The following SHTN1 variants were observed in gnomAD, a reference collection of about 807,000 sequenced individuals.
SHTN1 encodes shootin 1.
In SHTN1, 42 loss-of-function variants were observed where a neutral mutation model predicts 83.1. The observed-to-expected ratio is 0.51, with a 90% CI of 0.39 to 0.65. The LOEUF (loss-of-function observed/expected upper bound fraction) is 0.65, where lower values mean the gene tolerates loss of function less well. Among genes scored for constraint, SHTN1 ranks in the 30% least tolerant of loss-of-function variants. The pLI, the probability that SHTN1 is intolerant of heterozygous loss-of-function variation, is 0.00. For synonymous variants in SHTN1, 224 were observed against 247.7 expected (o/e 0.90, Z 0.90); for missense variants, 622 against 737.8 (o/e 0.84, Z 1.82).
intron 13 of SHTN1, 31 bp from the exon 14 acceptor site, chr10:116,911,874 G>C: frequency 6.6e-7 from 1 of 1,525,092 alleles, no homozygotes; most frequent in Non-Finnish European, 9.1e-7. Flanking sequence ...AAAAATCACT[G>C]AGTAATTCAG....
chr10:117,106,886 T>C (rs1338615140), intron 1 of SHTN1, among the ~76,000 whole-genome samples: 2 of 152,182 alleles, frequency 1.3e-5, no homozygotes, highest in African/African-American at 2.4e-5. Context: ...AGTCTCTCTG[T>C]ATCTCATTTT....
intron 1 of SHTN1, among the ~76,000 whole-genome samples, chr10:117,123,895 G>A (rs1853966792): frequency 9.0e-6 from 1 of 110,564 alleles, no homozygotes; most frequent in South Asian, 2.9e-4. Context: ...GACAGAACAA[G>A]ACCCTGTCTC....
chr10:117,085,426 A>G (rs1853335888), intron 1 of SHTN1, among the ~76,000 whole-genome samples: 1 of 152,158 alleles, frequency 6.6e-6, no homozygotes, highest in Non-Finnish European at 1.5e-5. Flanking sequence ...GTGTTGTTTA[A>G]TCTCCAAATA....
chr10:116,910,003 A>C (rs991294292), intron 14 of SHTN1, among the ~76,000 whole-genome samples: 1 of 152,142 alleles, frequency 6.6e-6, no homozygotes, highest in African/African-American at 2.4e-5. Flanking sequence ...TGTGCTTTAC[A>C]GGGTACTAAC....
chr10:116,914,430 C>T (rs1848308969), intron 13 of SHTN1, among the ~76,000 whole-genome samples: 1 of 151,826 alleles, frequency 6.6e-6, no homozygotes, highest in Middle Eastern at 3.4e-3. Flanking sequence ...CGAGATTGCG[C>T]CACTGCACTC....
At chr10:116,911,957 T>C (rs1005622676) in intron 13 of SHTN1, 114 bp from the exon 14 acceptor site, 5 of 739,704 alleles carry the variant, frequency 6.8e-6, no homozygotes, top group Non-Finnish European at 1.2e-5. Context: ...TGTATGACTA[T>C]ATATATTTTT....
upstream of SHTN1, among the ~76,000 whole-genome samples, chr10:117,010,530 A>G (rs1218976947): frequency 6.6e-6 from 1 of 152,198 alleles, no homozygotes; most frequent in Non-Finnish European, 1.5e-5. Context: ...GTCTTTCTCA[A>G]ACTTTTCTAA....
At chr10:117,022,775 G>A (rs1852282080) in intron 2 of SHTN1, among the ~76,000 whole-genome samples, 1 of 152,098 alleles carries the variant, frequency 6.6e-6, no homozygotes, top group Non-Finnish European at 1.5e-5. Flanking sequence ...ACAAAAATTA[G>A]CCAGACATGG....
At position 117,000,679 on chromosome 10, in the gene SHTN1, G is replaced by A. The variant is rs369886758; in HGVS notation, c.58+4343C>T. Among the ~76,000 whole-genome samples the A allele has an allele frequency of 2.0e-5, 3 of 152,212 alleles. No homozygotes were observed. In the South Asian group the frequency reaches 6.2e-4, roughly 32 times the overall value. ...AGACATGTGTTGTCTGTGTCTGCCC[G>A]GTCAGCATCCTCATGGTAGTGCACC... On this transcript the variant is annotated intron_variant, in intron 1 of 16. Coordinates refer to ENST00000355371, the MANE Select transcript of SHTN1 (RefSeq NM_001127211.3).
At chr10:117,098,864 T>C (rs958376557) in intron 1 of SHTN1, among the ~76,000 whole-genome samples, 3 of 152,138 alleles carry the variant, frequency 2.0e-5, no homozygotes, top group Non-Finnish European at 4.4e-5. Flanking sequence ...AGACCAGCCC[T>C]GAAGGAGATA....
At chr10:116,936,572 T>A (rs888866168) in intron 9 of SHTN1, among the ~76,000 whole-genome samples, 1 of 152,114 alleles carries the variant, frequency 6.6e-6, no homozygotes, top group African/African-American at 2.4e-5. Context: ...TGCCAAGGAG[T>A]GTTTTACATC....
intron 2 of SHTN1, chr10:116,973,853 T>A (rs1036769538): frequency 7.8e-7 from 1 of 1,282,534 alleles, no homozygotes; most frequent in African/African-American, 1.5e-5. Flanking sequence ...TTTACCTGTT[T>A]ACCTGTTTAA....
chr10:116,885,217 A>G lies in SHTN1; in HGVS notation c.*1127T>C, dbSNP rs1847128999. 6.6e-6 allele frequency: 1 copy of G among 152,648 alleles called. No homozygotes were observed. Among genetic ancestry groups the G allele is most frequent in the Non-Finnish European group, 1.5e-5 (1 of 68,042 alleles). The allele number at this position is 152,648 out of a possible 1,614,324, so 9.5% of individuals were successfully genotyped here. A position where few individuals can be genotyped will look rare whatever the true frequency, so the allele number is the denominator to read the frequency against. ...CAGCTACATGCTGAGCCATGCTAACAAAACTAAACCTTTCACTTTCTTTAA... is the reference window on the plus strand; with the variant it reads ...CAGCTACATGCTGAGCCATGCTAACGAAACTAAACCTTTCACTTTCTTTAA... On this transcript the variant is annotated 3_prime_UTR_variant, in exon 17 of 17. Coordinates refer to ENST00000355371, the MANE Select transcript of SHTN1 (RefSeq NM_001127211.3).
chr10:117,044,924 A>T (rs764827017), intron 2 of SHTN1, among the ~76,000 whole-genome samples: 3 of 152,212 alleles, frequency 2.0e-5, no homozygotes, highest in African/African-American at 4.8e-5. Flanking sequence ...TTAGCTATTA[A>T]GTTTCTTAAT....
At chr10:116,904,370 T>C (rs984184807) in intron 15 of SHTN1, among the ~76,000 whole-genome samples, 3 of 152,212 alleles carry the variant, frequency 2.0e-5, no homozygotes, top group Non-Finnish European at 4.4e-5. Context: ...AGAAAAATGT[T>C]TGTACCACCT....
At chr10:117,117,458 A>G (rs748937496) in intron 1 of SHTN1, among the ~76,000 whole-genome samples, 1 of 152,212 alleles carries the variant, frequency 6.6e-6, no homozygotes, top group Non-Finnish European at 1.5e-5. Flanking sequence ...TTAAATGACA[A>G]TACTACCCAA....
intron 11 of SHTN1, 24 bp downstream of exon 11, chr10:116,927,768 A>C (rs748389265): frequency 1.3e-6 from 2 of 1,518,504 alleles, no homozygotes; most frequent in Admixed American, 2.2e-5. Context: ...TTTGATGCAG[A>C]GCAGTCTTCC....
intron 7 of SHTN1, among the ~76,000 whole-genome samples, 188 bp downstream of exon 7, chr10:116,948,728 G>C (rs1369253060): frequency 1.3e-5 from 2 of 152,104 alleles, no homozygotes; most frequent in African/African-American, 2.4e-5. Context: ...ATCACTTTTA[G>C]ATGTCCCCAG....
At position 117,064,784 on chromosome 10, in the gene SHTN1, C is replaced by T. The variant is rs74159024; in HGVS notation, c.-188-16274G>A. On this transcript the variant is annotated intron_variant, in intron 1 of 17. Coordinates refer to the SHTN1 transcript ENST00000392901. The stretch of plus-strand genomic sequence containing the variant: ...ACTGTGGTGTTCAGAAGAAAGCCAG[C>T]GATCTAAATTGAACCTTACTGTCTG... Among the ~76,000 whole-genome samples, 1,055 of 152,274 alleles carry T rather than the reference C, an allele frequency of 6.9e-3. 13 individuals carry two copies. The highest frequency in any genetic ancestry group is 0.024 in the African/African-American group (1,008 of 41,556).
Sources: gnomAD v4.1 joint callset for allele counts (sites outside exome capture counted in the v4.1 genomes callset) on GRCh38, gnomAD v4.1.1 for gene constraint, MANE v1.5 for transcripts, NCBI Gene and HGNC (gene_info 2026-07-23, HGNC 2026-07-21) for gene names.